The following DLGAP1 variants were observed in gnomAD, a reference collection of about 807,000 sequenced individuals.
The protein encoded by DLGAP1 is disks large-associated protein 1.
DLGAP1 carries 11 observed loss-of-function variants against 90.8 expected under a neutral mutation model. That is an observed-to-expected ratio of 0.12 (90% confidence interval 0.08 to 0.20). DLGAP1 has a LOEUF of 0.20. Ranked by LOEUF, DLGAP1 falls within the 10% of genes least tolerant of loss-of-function variation. DLGAP1 has a pLI of 1.00. For missense variants in DLGAP1, 1,050 were observed against 1,333.8 expected, an observed-to-expected ratio of 0.79 and a Z score of 3.31; for synonymous variants, 558 against 540.7, an observed-to-expected ratio of 1.03 and a Z score of -0.44.
At chr18:4,070,308 T>A (rs1450135159) in intron 2 of DLGAP1, among the ~76,000 whole-genome samples, 1 of 152,060 alleles carries the variant, frequency 6.6e-6, no homozygotes, top group African/African-American at 2.4e-5. Flanking sequence ...TACCCAACTT[T>A]TTTCACAACA....
At chr18:4,102,474 T>C (rs2075795551) in intron 2 of DLGAP1, among the ~76,000 whole-genome samples, 1 of 152,174 alleles carries the variant, frequency 6.6e-6, no homozygotes, top group Admixed American at 6.5e-5. Flanking sequence ...TTGTGCTGGA[T>C]GTAAAGGAAA....
intron 1 of DLGAP1, among the ~76,000 whole-genome samples, chr18:4,412,793 T>C (rs983526798): frequency 5.9e-5 from 9 of 152,126 alleles, no homozygotes; most frequent in African/African-American, 1.9e-4. Context: ...CGATAGAGTA[T>C]AGATTCCAGG....
In DLGAP1 at chr18:4,388,311, G is replaced by A. The variant is rs796529063; in HGVS notation, c.-267+66695C>T. ...TGAAGCTAATGACCAAGAAGGAGAC[G>A]GTTTCGAAGGAAAAAATGGTTTCAG... On this transcript the variant is annotated intron_variant, in intron 1 of 12. Coordinates refer to ENST00000315677, the MANE Select transcript of DLGAP1 (RefSeq NM_004746.4). Among the ~76,000 whole-genome samples, 4 of 151,836 alleles carry A rather than the reference G, an allele frequency of 2.6e-5. No individual in the cohort carries two copies. The South Asian group carries it at 6.2e-4, about 24-fold the overall frequency.
intron 7 of DLGAP1, among the ~76,000 whole-genome samples, chr18:3,707,965 T>C (rs2061487331): frequency 6.6e-6 from 1 of 151,802 alleles, no homozygotes; most frequent in Non-Finnish European, 1.5e-5. Flanking sequence ...GTTTCATCCA[T>C]GAGAAAATGG....
intron 1 of DLGAP1, among the ~76,000 whole-genome samples, chr18:4,213,650 T>C (rs1391103698): frequency 6.6e-6 from 1 of 152,090 alleles, no homozygotes; most frequent in Admixed American, 6.5e-5. Context: ...TCAGGGGAGA[T>C]ATTTCAGTGG....
At chr18:3,868,291 A>AGTT (rs892168445) in intron 4 of DLGAP1, among the ~76,000 whole-genome samples, 2 of 152,194 alleles carry the variant, frequency 1.3e-5, no homozygotes, top group African/African-American at 2.4e-5. Context: ...ACACCCCTTG[A>AGTT]GTTACAGATA....
chr18:4,061,663 T>C (rs1485310315), intron 2 of DLGAP1, among the ~76,000 whole-genome samples: 1 of 152,204 alleles, frequency 6.6e-6, no homozygotes, highest in East Asian at 1.9e-4. Flanking sequence ...CTTTGGATGG[T>C]ATTTGTATAA....
chr18:3,860,631 A>G (rs1464517860), intron 4 of DLGAP1, among the ~76,000 whole-genome samples: 1 of 152,194 alleles, frequency 6.6e-6, no homozygotes, highest in East Asian at 1.9e-4. Flanking sequence ...TCACTAATTT[A>G]CCATCTATGT....
intron 5 of DLGAP1, among the ~76,000 whole-genome samples, chr18:3,812,153 A>G (rs760828662): frequency 1.3e-5 from 2 of 152,126 alleles, no homozygotes; most frequent in African/African-American, 2.4e-5. Context: ...GAAGATGTTA[A>G]CCCTATGGCC....
chr18:3,516,548 G>A (rs916640361), intron 10 of DLGAP1, among the ~76,000 whole-genome samples: 2 of 152,072 alleles, frequency 1.3e-5, no homozygotes, highest in East Asian at 1.9e-4. Flanking sequence ...AATGGATGTC[G>A]TATTCCTCTG....
At chr18:4,391,867 A>G (rs1182649911) in intron 1 of DLGAP1, among the ~76,000 whole-genome samples, 1 of 152,190 alleles carries the variant, frequency 6.6e-6, no homozygotes, top group Non-Finnish European at 1.5e-5. Flanking sequence ...CATTCCCTCC[A>G]CATCTACACA....
chr18:4,073,851 T>C (rs775774692), intron 2 of DLGAP1, among the ~76,000 whole-genome samples: 4 of 152,272 alleles, frequency 2.6e-5, no homozygotes, highest in South Asian at 2.1e-4. Flanking sequence ...TAGCTAACTA[T>C]TTAAACTCTG....
At chr18:4,441,323 A>G (rs2083531443) in intron 1 of DLGAP1, among the ~76,000 whole-genome samples, 1 of 152,208 alleles carries the variant, frequency 6.6e-6, no homozygotes. Flanking sequence ...CACCCCTAGA[A>G]GGTTCCACAG....
chr18:3,901,408 T>C (rs1344819267), intron 3 of DLGAP1, among the ~76,000 whole-genome samples: 1 of 152,110 alleles, frequency 6.6e-6, no homozygotes, highest in Non-Finnish European at 1.5e-5. Context: ...GTAAGGACAA[T>C]ACACTTTCTG....
chr18:4,269,358 T>C (rs992004861), intron 1 of DLGAP1, among the ~76,000 whole-genome samples: 2 of 128,290 alleles, frequency 1.6e-5, no homozygotes, highest in Admixed American at 7.3e-5. Context: ...ATATATATTT[T>C]TTTTTTTCTT....
At chr18:3,738,487 T>G (rs1320746662) in intron 6 of DLGAP1, among the ~76,000 whole-genome samples, 2 of 148,928 alleles carry the variant, frequency 1.3e-5, no homozygotes, top group Non-Finnish European at 3.0e-5. Flanking sequence ...TACAACTATC[T>G]GATCTTTGAC....
rs548995496 is a variant in DLGAP1, at chr18:3,974,023, G to A, written c.-73+31093C>T. Among the ~76,000 whole-genome samples, 3 of 152,236 alleles carry A rather than the reference G, an allele frequency of 2.0e-5. No homozygotes were observed. In the South Asian group the frequency reaches 6.2e-4, roughly 32 times the overall value. ...GTAGGCAATTGTAACACCGTGGGAAGTATTTGTGTATCTAACCTATCTAAA... is the reference window on the plus strand; with the variant it reads ...GTAGGCAATTGTAACACCGTGGGAAATATTTGTGTATCTAACCTATCTAAA... On this transcript the variant is annotated intron_variant, in intron 3 of 12. Coordinates refer to ENST00000315677, the MANE Select transcript of DLGAP1 (RefSeq NM_004746.4).
chr18:4,149,708 C>T (rs1341880489), intron 2 of DLGAP1, among the ~76,000 whole-genome samples: 10 of 152,214 alleles, frequency 6.6e-5, no homozygotes, highest in Non-Finnish European at 1.2e-4. Flanking sequence ...GAACTGTCCA[C>T]GTGAGGAATC....
At chr18:4,339,611 T>C (rs998626398) in intron 1 of DLGAP1, among the ~76,000 whole-genome samples, 3 of 152,204 alleles carry the variant, frequency 2.0e-5, no homozygotes, top group Non-Finnish European at 2.9e-5. Context: ...TTATGAAATA[T>C]TCATAATTTT....
Sources: gnomAD v4.1 joint callset for allele counts (sites outside exome capture counted in the v4.1 genomes callset) on GRCh38, gnomAD v4.1.1 for gene constraint, MANE v1.5 for transcripts, NCBI Gene and HGNC (gene_info 2026-07-23, HGNC 2026-07-21) for gene names.